SCAPER: variants seen among roughly 807,000 people sequenced by gnomAD.
SCAPER encodes the protein S-phase cyclin A associated protein in the ER.
Under a neutral mutation model 182.2 loss-of-function variants are expected in SCAPER, and 98 were observed. The ratio of observed to expected loss-of-function variants is 0.54; its 90% confidence interval spans 0.46 to 0.64. The LOEUF (loss-of-function observed/expected upper bound fraction) is 0.64, where lower values mean the gene tolerates loss of function less well. Ranked by LOEUF, SCAPER falls within the 30% of genes least tolerant of loss-of-function variation. SCAPER has a pLI of 0.00. For synonymous variants in SCAPER, 605 were observed against 564.6 expected, an observed-to-expected ratio of 1.07 and a Z score of -1.01; for missense variants, 1,432 against 1,690.0, an observed-to-expected ratio of 0.85 and a Z score of 2.68.
intron 9 of SCAPER, 92 bp downstream of exon 9, chr15:76,774,763 T>TA: frequency 5.1e-6 from 7 of 1,372,648 alleles, no homozygotes; most frequent in Non-Finnish European, 6.8e-6. Flanking sequence ...CACAGTAAGT[T>TA]AAAAAATGAA....
At chr15:76,685,796 G>A (rs2058006276) in intron 20 of SCAPER, among the ~76,000 whole-genome samples, 1 of 152,048 alleles carries the variant, frequency 6.6e-6, no homozygotes, top group African/African-American at 2.4e-5. Flanking sequence ...AAGATAACAT[G>A]ATAATGGAGC....
chr15:76,409,121 TAAG>T (rs1273384102), intron 26 of SCAPER, among the ~76,000 whole-genome samples: 3 of 152,208 alleles, frequency 2.0e-5, no homozygotes, highest in African/African-American at 7.2e-5. Context: ...AATGACTGGC[TAAG>T]AAGATGCTTA....
intron 21 of SCAPER, among the ~76,000 whole-genome samples, chr15:76,652,283 T>A (rs2930694): frequency 0.14 from 1,890 of 13,326 alleles, 405 homozygotes; most frequent in East Asian, 0.24. Context: ...AATATATATA[T>A]ATATATATAT....
intron 23 of SCAPER, among the ~76,000 whole-genome samples, chr15:76,532,525 T>C (rs2043766040): frequency 6.6e-6 from 1 of 152,246 alleles, no homozygotes; most frequent in Non-Finnish European, 1.5e-5. Context: ...CTTTACCATA[T>C]TTTCTCTCAT....
intron 16 of SCAPER, among the ~76,000 whole-genome samples, chr15:76,730,326 A>G (rs1484159223): frequency 6.6e-6 from 1 of 152,002 alleles, no homozygotes; most frequent in Non-Finnish European, 1.5e-5. Flanking sequence ...AGAAGAGGGT[A>G]AACTGGGAAT....
intron 22 of SCAPER, among the ~76,000 whole-genome samples, chr15:76,587,997 C>T (rs915823725): frequency 2.6e-5 from 4 of 151,980 alleles, no homozygotes; most frequent in African/African-American, 9.7e-5. Context: ...TCTCAGCTCA[C>T]TGCAAGCTCT....
At chr15:76,833,887 C>A (rs2068718550) in intron 5 of SCAPER, among the ~76,000 whole-genome samples, 1 of 152,164 alleles carries the variant, frequency 6.6e-6, no homozygotes, top group Non-Finnish European at 1.5e-5. Context: ...TATGAAGAGA[C>A]TTAGATAACC....
intron 8 of SCAPER, among the ~76,000 whole-genome samples, chr15:76,776,943 T>C (rs2063779803): frequency 6.6e-6 from 1 of 152,074 alleles, no homozygotes; most frequent in South Asian, 2.1e-4. Flanking sequence ...GCTGAAAAAT[T>C]CCTAAATTTA....
At chr15:76,534,741 T>G (rs1311032837) in intron 23 of SCAPER, among the ~76,000 whole-genome samples, 5 of 152,134 alleles carry the variant, frequency 3.3e-5, no homozygotes, top group Non-Finnish European at 4.4e-5. Context: ...CTTGAAAACT[T>G]CAAGATATCT....
intron 21 of SCAPER, among the ~76,000 whole-genome samples, chr15:76,658,285 A>T (rs1333092990): frequency 6.6e-5 from 10 of 152,220 alleles, no homozygotes; most frequent in Non-Finnish European, 1.5e-4. Context: ...GCTGAGGGCC[A>T]ATTCAAGAAT....
intron 2 of SCAPER, among the ~76,000 whole-genome samples, chr15:76,883,380 G>A (rs2073677614): frequency 6.6e-6 from 1 of 152,146 alleles, no homozygotes; most frequent in South Asian, 2.1e-4. Context: ...GTTTTCCCTG[G>A]CTCTCTGGGG....
At chr15:76,875,295 A>G (rs769732963) in intron 2 of SCAPER, among the ~76,000 whole-genome samples, 2 of 152,242 alleles carry the variant, frequency 1.3e-5, no homozygotes, top group Non-Finnish European at 2.9e-5. Flanking sequence ...ATTATAATTT[A>G]ATGTCTTTTA....
Position 76,603,964 on chromosome 15 carries a change from T to C in SCAPER, c.2711+17800A>G, listed in dbSNP as rs1282856401. On this transcript the variant is annotated intron_variant, in intron 22 of 31. Coordinates refer to ENST00000563290, the MANE Select transcript of SCAPER (RefSeq NM_020843.4). Reference sequence around the variant, plus strand: ...AGTAGGTTGCAAAAATCTTCTCCCATTCTGTAGGTTGCCTGTTCAGTCTGA... The same window carrying C: ...AGTAGGTTGCAAAAATCTTCTCCCACTCTGTAGGTTGCCTGTTCAGTCTGA... Among the ~76,000 whole-genome samples the C allele has an allele frequency of 1.2e-4, 14 of 121,428 alleles. 3 individuals are homozygous for C. In the South Asian group the frequency reaches 3.1e-3, roughly 27 times the overall value. 79.7% of individuals were successfully genotyped at this position (121,428 alleles called of 152,430 possible). A position where few individuals can be genotyped will look rare whatever the true frequency, so the allele number is the denominator to read the frequency against.
intron 21 of SCAPER, among the ~76,000 whole-genome samples, chr15:76,631,213 A>G (rs1193189657): frequency 6.6e-6 from 1 of 152,196 alleles, no homozygotes; most frequent in African/African-American, 2.4e-5. Flanking sequence ...TTTTGAATGC[A>G]GCACACTGAT....
chr15:76,454,975 T>G (rs969414358), intron 25 of SCAPER, among the ~76,000 whole-genome samples: 1 of 152,200 alleles, frequency 6.6e-6, no homozygotes, highest in African/African-American at 2.4e-5. Context: ...TCGTTAAAGC[T>G]TTCAAATGCA....
At chr15:76,350,137 T>A (rs1030697967) in intron 31 of SCAPER, 1 of 152,216 alleles carries the variant, frequency 6.6e-6, no homozygotes, top group Non-Finnish European at 1.5e-5. Context: ...AAAAAAGGGC[T>A]GTGACTGGGT....
At chr15:76,369,850 A>G (rs114602839) in intron 29 of SCAPER, among the ~76,000 whole-genome samples, 1 of 152,188 alleles carries the variant, frequency 6.6e-6, no homozygotes, top group Admixed American at 6.5e-5. Flanking sequence ...CCTGACTGGC[A>G]TGGAGTACAG....
At chr15:76,887,553 G>C (rs2073911176) in intron 1 of SCAPER, among the ~76,000 whole-genome samples, 1 of 152,200 alleles carries the variant, frequency 6.6e-6, no homozygotes, top group South Asian at 2.1e-4. Flanking sequence ...GTCACTGCTA[G>C]TGTAGCAGTC....
At chr15:76,742,292 A>G (rs979488011) in intron 15 of SCAPER, among the ~76,000 whole-genome samples, 1 of 151,772 alleles carries the variant, frequency 6.6e-6, no homozygotes, top group Non-Finnish European at 1.5e-5. Context: ...GGGATTTACA[A>G]AAGTACAAAA....
Sources: allele counts gnomAD v4.1 joint callset (sites outside exome capture counted in the v4.1 genomes callset), GRCh38; gene constraint gnomAD v4.1.1; transcripts MANE v1.5; gene names NCBI Gene and HGNC (gene_info 2026-07-23, HGNC 2026-07-21).